Variants in CTNND2 observed in about 807,000 individuals in gnomAD.
CTNND2 encodes catenin delta 2.
CTNND2 carries 22 observed loss-of-function variants against 144.4 expected under a neutral mutation model. That is an observed-to-expected ratio of 0.15 (90% CI 0.11 to 0.22). The LOEUF (loss-of-function observed/expected upper bound fraction) is 0.22. CTNND2 is among the 10% of genes least tolerant of loss of function. CTNND2 has a pLI of 1.00. For synonymous variants in CTNND2, 751 were observed against 695.6 expected, an observed-to-expected ratio of 1.08 and a Z score of -1.25; for missense variants, 1,353 against 1,618.8, an observed-to-expected ratio of 0.84 and a Z score of 2.82.
At chr5:11,087,698 TTTAATAAGCAC>T (rs1750324089) in intron 15 of CTNND2, among the ~76,000 whole-genome samples, 1 of 65,974 alleles carries the variant, frequency 1.5e-5, no homozygotes, top group Non-Finnish European at 3.7e-5. Context: ...AATAAATCAA[TTTAATAAGCAC>T]AAATTTTGGT....
chr5:11,546,290 C>CG (rs2150077152), intron 3 of CTNND2, among the ~76,000 whole-genome samples: 1 of 151,790 alleles, frequency 6.6e-6, no homozygotes, highest in African/African-American at 2.4e-5. Context: ...TCAATAAAGC[C>CG]TTTTTTTTCT....
intron 3 of CTNND2, among the ~76,000 whole-genome samples, chr5:11,426,520 T>C (rs1476862902): frequency 2.0e-5 from 3 of 152,222 alleles, no homozygotes; most frequent in Admixed American, 6.5e-5. Context: ...GTGAAGGAGA[T>C]ACGCACAATC....
intron 3 of CTNND2, among the ~76,000 whole-genome samples, chr5:11,451,381 C>T (rs1174258383): frequency 2.6e-5 from 4 of 152,180 alleles, no homozygotes; most frequent in Non-Finnish European, 4.4e-5. Context: ...TATAATTCTT[C>T]ACCTCCAACT....
At chr5:10,975,463 C>T (rs898757833) in intron 21 of CTNND2, among the ~76,000 whole-genome samples, 1 of 152,150 alleles carries the variant, frequency 6.6e-6, no homozygotes, top group African/African-American at 2.4e-5. Flanking sequence ...CCCACCAATC[C>T]ATCCATCCAT....
chr5:11,444,923 C>G (rs1764670543), intron 3 of CTNND2, among the ~76,000 whole-genome samples: 2 of 152,108 alleles, frequency 1.3e-5, no homozygotes, highest in African/African-American at 4.8e-5. Context: ...AGGGGATCAG[C>G]TGAGGGCAGA....
chr5:10,981,567 A>G (rs1227364698), intron 21 of CTNND2, among the ~76,000 whole-genome samples: 1 of 151,266 alleles, frequency 6.6e-6, no homozygotes. Context: ...TGCACATTTG[A>G]GGCTGTTCTG....
At chr5:11,534,089 G>A (rs1773996764) in intron 3 of CTNND2, among the ~76,000 whole-genome samples, 1 of 152,090 alleles carries the variant, frequency 6.6e-6, no homozygotes, top group Admixed American at 6.5e-5. Flanking sequence ...TTAAATGGTA[G>A]GAATATAAAA....
chr5:11,044,423 A>G (rs1009016231), intron 16 of CTNND2, among the ~76,000 whole-genome samples: 1 of 152,116 alleles, frequency 6.6e-6, no homozygotes, highest in Non-Finnish European at 1.5e-5. Flanking sequence ...CAGCAAAAAT[A>G]GAGGTCTTCA....
intron 16 of CTNND2, among the ~76,000 whole-genome samples, chr5:11,080,381 G>T (rs1435793475): frequency 6.6e-6 from 1 of 152,160 alleles, no homozygotes; most frequent in Non-Finnish European, 1.5e-5. Flanking sequence ...TATTAGTACA[G>T]CCACTACTGT....
chr5:11,297,533 A>G (rs1749148725), intron 9 of CTNND2, among the ~76,000 whole-genome samples: 1 of 152,234 alleles, frequency 6.6e-6, no homozygotes, highest in Non-Finnish European at 1.5e-5. Context: ...AAATATTTAC[A>G]TCAATACATA....
chr5:11,305,150 G>A lies in CTNND2; in HGVS notation c.1628+41222C>T, dbSNP rs1042732458. 6.6e-5 allele frequency among the ~76,000 whole-genome samples: 10 copies of A among 152,286 alleles called. No individual in the cohort carries two copies. In the South Asian group the frequency reaches 1.4e-3, roughly 22 times the overall value. On this transcript the variant is annotated intron_variant, in intron 9 of 21. Coordinates refer to ENST00000304623, the MANE Select transcript of CTNND2 (RefSeq NM_001332.4). ...TACTACACACAAAACATTGTTCTGA[G>A]CGCCTTTCAAATACAAACTCCTTTC...
chr5:11,627,988 C>T (rs1037235321), intron 2 of CTNND2, among the ~76,000 whole-genome samples: 1 of 151,930 alleles, frequency 6.6e-6, no homozygotes, highest in African/African-American at 2.4e-5. Flanking sequence ...TGAAGCTCAG[C>T]TTGGCTCGCT....
chr5:11,640,979 G>A lies in CTNND2; in HGVS notation c.175-75923C>T, dbSNP rs370169351. On this transcript the variant is annotated intron_variant, in intron 2 of 21. Transcript: ENST00000304623. ...TGAGTATATCGTTCATTCCCCTAACGAACAATATGTTCGTTAATAAAACCC... is the reference window on the plus strand; with the variant it reads ...TGAGTATATCGTTCATTCCCCTAACAAACAATATGTTCGTTAATAAAACCC... 4.1e-4 allele frequency among the ~76,000 whole-genome samples: 63 copies of A among 152,058 alleles called. 1 individual carries two copies. Among genetic ancestry groups the A allele is most frequent in the Middle Eastern group, 3.4e-3 (1 of 294 alleles).
chr5:11,503,618 T>C lies in CTNND2; in HGVS notation c.287+61326A>G, dbSNP rs551428822. ...AAGCAGCGGGGTTGTGTAGGTTTAT[T>C]ACCACTGCCTAAGGACAGCTTTAGT... On this transcript the variant is annotated intron_variant, in intron 3 of 21. Transcript: ENST00000304623. Among the ~76,000 whole-genome samples, 249 of 152,336 alleles carry C rather than the reference T, an allele frequency of 1.6e-3. 2 individuals carry two copies. The highest frequency in any genetic ancestry group is 3.0e-3 in the Non-Finnish European group (206 of 68,032).
chr5:11,426,952 C>T (rs531861768), intron 3 of CTNND2, among the ~76,000 whole-genome samples: 38 of 152,074 alleles, frequency 2.5e-4, no homozygotes, highest in Non-Finnish European at 4.1e-4. Flanking sequence ...ACAGTGGAGG[C>T]GGTTTTGCAC....
intron 1 of CTNND2, among the ~76,000 whole-genome samples, chr5:11,743,404 G>C (rs998593089): frequency 6.6e-6 from 1 of 152,126 alleles, no homozygotes; most frequent in African/African-American, 2.4e-5. Flanking sequence ...TAAGACTTTC[G>C]CTTCCGTCAA....
chr5:11,473,347 G>A (rs968531662), intron 3 of CTNND2, among the ~76,000 whole-genome samples: 1 of 152,184 alleles, frequency 6.6e-6, no homozygotes, highest in African/African-American at 2.4e-5. Context: ...TCCTGGCATT[G>A]AATGTTCATG....
At position 11,131,712 on chromosome 5, in the gene CTNND2, C is replaced by G. The variant is rs539091256; in HGVS notation, c.2160-14145G>C. ...GCTGAGGCAGGAGAATGGCATGAACCCGGGAGGCGGAGCTTGCAGTGAGCT... is the reference window on the plus strand; with the variant it reads ...GCTGAGGCAGGAGAATGGCATGAACGCGGGAGGCGGAGCTTGCAGTGAGCT... On this transcript the variant is annotated intron_variant, in intron 12 of 21. Coordinates refer to ENST00000304623, the MANE Select transcript of CTNND2 (RefSeq NM_001332.4). 1.6e-3 allele frequency among the ~76,000 whole-genome samples: 249 copies of G among 152,174 alleles called. 1 individual carries two copies. Among genetic ancestry groups the G allele is most frequent in the African/African-American group, 5.7e-3 (235 of 41,530 alleles).
chr5:11,233,722 G>A (rs1741303605), intron 10 of CTNND2, among the ~76,000 whole-genome samples: 1 of 149,480 alleles, frequency 6.7e-6, no homozygotes, highest in Admixed American at 6.6e-5. Context: ...GTGTCTGTGT[G>A]TGTGTGTGTG....
Sources: gnomAD v4.1 joint callset for allele counts (sites outside exome capture counted in the v4.1 genomes callset) on GRCh38, gnomAD v4.1.1 for gene constraint, MANE v1.5 for transcripts, NCBI Gene and HGNC (gene_info 2026-07-23, HGNC 2026-07-21) for gene names.